Variants in VPS8 observed in about 807,000 individuals in gnomAD.
VPS8 encodes the protein VPS8 subunit of CORVET complex, also known as vacuolar protein sorting-associated protein 8 homolog.
VPS8 carries 129 observed loss-of-function variants against 216.4 expected under a neutral mutation model. That is an observed-to-expected ratio of 0.60 (90% CI 0.52 to 0.69). The LOEUF is 0.69. Among genes scored for constraint, VPS8 ranks in the 30% least tolerant of loss-of-function variants. The pLI is 0.00. For missense variants in VPS8, 1,531 were observed against 1,683.5 expected, an observed-to-expected ratio of 0.91 and a Z score of 1.59; for synonymous variants, 571 against 565.4, an observed-to-expected ratio of 1.01 and a Z score of -0.14.
intron 42 of VPS8, among the ~76,000 whole-genome samples, chr3:184,991,784 A>G (rs1751935268): frequency 6.6e-6 from 1 of 152,214 alleles, no homozygotes; most frequent in Non-Finnish European, 1.5e-5. Flanking sequence ...AAAGAAAAAA[A>G]TGTGCAGTGG....
chr3:185,018,187 G>T (rs1329481923), intron 45 of VPS8, among the ~76,000 whole-genome samples: 1 of 152,208 alleles, frequency 6.6e-6, no homozygotes, highest in Non-Finnish European at 1.5e-5. Flanking sequence ...AGGTCGCAGA[G>T]CAGCCTGGCA....
At chr3:184,843,144 ATTC>A in intron 7 of VPS8, 93 bp from the exon 8 acceptor site, 27 of 879,090 alleles carry the variant, frequency 3.1e-5, no homozygotes, top group Non-Finnish European at 4.4e-5. Flanking sequence ...TGTCACTTAT[ATTC>A]TTGAAATTTT....
rs1737371810 is a variant in VPS8, at chr3:184,915,399, T to C, written c.2307T>C (p.Pro769=). The C allele has an allele frequency of 6.2e-7, 1 of 1,613,844 alleles. No individual in the cohort carries two copies. The highest frequency in any genetic ancestry group is 1.7e-5 in the Admixed American group (1 of 60,008). The change falls in exon 28 of 48, where the codon CCT becomes CCC. Residue 769 remains proline (P), a synonymous_variant. Transcript: ENST00000625842. ...LIRLHSAEAS[P]EEEIYPYIRT... is the part of the protein sequence containing the mutation. ...GCCTGCATTCAGCAGAGGCTTCTCC[T>C]GAGGAAGAAATCTATCCTTACATTC...
intron 46 of VPS8, among the ~76,000 whole-genome samples, chr3:185,031,063 GTTTTTTTTTTTTT>G (rs765510619): frequency 9.3e-5 from 6 of 64,346 alleles, no homozygotes; most frequent in Admixed American, 3.6e-4. Context: ...ACAGGTTGGC[GTTTTTTTTTTTTT>G]TTTTTTTTTT....
intron 42 of VPS8, among the ~76,000 whole-genome samples, chr3:184,992,259 G>C (rs1751999084): frequency 6.6e-6 from 1 of 152,126 alleles, no homozygotes; most frequent in Non-Finnish European, 1.5e-5. Context: ...ACTCTTAACA[G>C]TACCAAGAGT....
intron 40 of VPS8, among the ~76,000 whole-genome samples, chr3:184,979,728 A>G (rs1749876030): frequency 6.6e-6 from 1 of 152,166 alleles, no homozygotes; most frequent in African/African-American, 2.4e-5. Context: ...AAGACAGCAT[A>G]CTATTGAGTC....
At chr3:185,020,900 C>T (rs889262875) in intron 45 of VPS8, among the ~76,000 whole-genome samples, 2 of 152,040 alleles carry the variant, frequency 1.3e-5, no homozygotes, top group South Asian at 4.1e-4. Context: ...GGTGAAACCC[C>T]GTCTCTACTA....
chr3:185,013,590 A>C (rs1456302771), intron 45 of VPS8, among the ~76,000 whole-genome samples: 2 of 152,208 alleles, frequency 1.3e-5, no homozygotes, highest in East Asian at 3.8e-4. Flanking sequence ...AAGTTTGTAG[A>C]GTGTCCTTCT....
rs560945078 is a variant in VPS8 at position 185,024,948 on chromosome 3, G to A, written c.4056+559G>A. 1.6e-3 allele frequency among the ~76,000 whole-genome samples: 238 copies of A among 151,984 alleles called. 1 individual carries two copies. Among genetic ancestry groups the A allele is most frequent in the African/African-American group, 5.6e-3 (233 of 41,304 alleles). ...ACCCGGGAGGCGGAGGTTGCAGTGA[G>A]TCAAGATCGAGCCACTGCACTCCAG... On this transcript the variant is annotated intron_variant, in intron 46 of 47. Transcript: ENST00000625842.
At chr3:184,860,466 C>A (rs1478110434) in intron 15 of VPS8, among the ~76,000 whole-genome samples, 1 of 70,518 alleles carries the variant, frequency 1.4e-5, no homozygotes, top group African/African-American at 6.2e-5. Flanking sequence ...TATACACACA[C>A]ATACACACAC....
chr3:184,984,625 A>G (rs1750787094), intron 42 of VPS8, among the ~76,000 whole-genome samples: 1 of 152,144 alleles, frequency 6.6e-6, no homozygotes, highest in African/African-American at 2.4e-5. Flanking sequence ...ATTTCATTTG[A>G]TCTTAGCAAT....
chr3:184,930,895 A>G (rs1389419666), intron 34 of VPS8, among the ~76,000 whole-genome samples: 1 of 152,124 alleles, frequency 6.6e-6, no homozygotes, highest in Non-Finnish European at 1.5e-5. Flanking sequence ...ATTCCCTCCA[A>G]TCATCTAATG....
At chr3:184,920,514 CAATT>C (rs1486389514) in intron 29 of VPS8, among the ~76,000 whole-genome samples, 4 of 152,144 alleles carry the variant, frequency 2.6e-5, no homozygotes, top group Non-Finnish European at 4.4e-5. Flanking sequence ...TTTGAGAAAA[CAATT>C]AATATGGAGA....
At chr3:184,962,079 A>G (rs1277672344) in intron 37 of VPS8, among the ~76,000 whole-genome samples, 1 of 152,218 alleles carries the variant, frequency 6.6e-6, no homozygotes, top group Non-Finnish European at 1.5e-5. Context: ...CTAAATTTTT[A>G]AAACATTTTT....
intron 20 of VPS8, 96 bp downstream of exon 20, chr3:184,869,624 T>A: frequency 8.1e-7 from 1 of 1,234,496 alleles, no homozygotes; most frequent in Non-Finnish European, 1.2e-6. Flanking sequence ...ATGGCTACAA[T>A]CTAGAAGAGA....
At chr3:184,907,272 T>G (rs1470509620) in intron 25 of VPS8, among the ~76,000 whole-genome samples, 1 of 152,168 alleles carries the variant, frequency 6.6e-6, no homozygotes, top group African/African-American at 2.4e-5. Context: ...TCTGGCTCAG[T>G]GAATCTGCAT....
intron 42 of VPS8, among the ~76,000 whole-genome samples, chr3:184,991,424 A>G (rs370979752): frequency 1.2e-4 from 18 of 152,196 alleles, no homozygotes; most frequent in Admixed American, 4.6e-4. Flanking sequence ...TTTGCATTCT[A>G]TAATTTATAT....
At chr3:184,914,875 A>G in intron 26 of VPS8, 106 bp from the exon 27 acceptor site, 2 of 1,110,282 alleles carry the variant, frequency 1.8e-6, no homozygotes, top group South Asian at 2.6e-5. Context: ...AGCTGAGCCT[A>G]CTTACAAATT....
intron 11 of VPS8, 115 bp downstream of exon 11, chr3:184,852,682 T>G (rs953203828): frequency 2.1e-6 from 2 of 950,402 alleles, no homozygotes; most frequent in Admixed American, 5.4e-5. Context: ...AGATTATGAC[T>G]GTGTATTACA....
Sources: gnomAD v4.1 joint callset for allele counts (sites outside exome capture counted in the v4.1 genomes callset) on GRCh38, gnomAD v4.1.1 for gene constraint, MANE v1.5 for transcripts, NCBI Gene and HGNC (gene_info 2026-07-23, HGNC 2026-07-21) for gene names.